Variants in OTOA observed in about 807,000 individuals in gnomAD.
OTOA encodes cancer/testis antigen 108.
In OTOA, 70 loss-of-function variants were observed where a neutral mutation model predicts 110.8. The ratio of observed to expected loss-of-function variants is 0.63; its 90% CI spans 0.52 to 0.77. The LOEUF is 0.77. OTOA is among the 30% of genes least tolerant of loss of function. The pLI is 0.00. For missense variants in OTOA, 917 were observed against 1,075.8 expected, an observed-to-expected ratio of 0.85 and a Z score of 2.06; for synonymous variants, 373 against 431.5, an observed-to-expected ratio of 0.86 and a Z score of 1.68.
At chr16:21,690,335 C>T (rs1897803661) in intron 8 of OTOA, among the ~76,000 whole-genome samples, 1 of 151,886 alleles carries the variant, frequency 6.6e-6, no homozygotes, top group Non-Finnish European at 1.5e-5. Context: ...TCCTAATGCT[C>T]TCCCTCCCCC....
At chr16:21,721,486 T>A (rs1423470176) in intron 17 of OTOA, 3 of 456,058 alleles carry the variant, frequency 6.6e-6, no homozygotes, top group South Asian at 4.6e-5. Flanking sequence ...ACAGCACCAC[T>A]ACACAGAGGT....
intron 17 of OTOA, chr16:21,721,429 A>T (rs951148803): frequency 6.6e-6 from 3 of 455,848 alleles, no homozygotes; most frequent in African/African-American, 6.0e-5. Flanking sequence ...ACTGGCCTCT[A>T]GTGGGTAGAG....
At chr16:21,736,687 C>T (rs562418418) in intron 22 of OTOA, among the ~76,000 whole-genome samples, 3 of 152,028 alleles carry the variant, frequency 2.0e-5, no homozygotes, top group African/African-American at 4.8e-5. Context: ...AAAAATTAGC[C>T]GGGTGTGGTG....
chr16:21,718,710 G>A (rs1174557219), intron 15 of OTOA, among the ~76,000 whole-genome samples: 2 of 152,102 alleles, frequency 1.3e-5, no homozygotes, highest in South Asian at 2.1e-4. Flanking sequence ...CTAGCTGCAG[G>A]TACTTTATTG....
chr16:21,697,846 G>A lies in OTOA; in HGVS notation c.811G>A (p.Glu271Lys), dbSNP rs1345503594. The A allele has an allele frequency of 6.2e-7, 1 of 1,614,052 alleles. No individual in the cohort carries two copies. Among genetic ancestry groups the A allele is most frequent in the African/African-American group, 1.3e-5 (1 of 75,020 alleles). ...CAGATACATGGTTCACCTATCGTTT[G>A]AAGAAATTACGAAAATTAGTCCTAT... The part of the protein sequence containing the change: ...LGRYMVHLSF[E>K]EITKISPIEI... The change falls in exon 10 of 29, where the codon GAA (glutamate) becomes AAA (lysine). Residue 271 changes from glutamate to lysine, a missense_variant. Glu to Lys is a moderately conservative substitution (Grantham distance 56). Transcript: ENST00000646100.
At chr16:21,710,496 C>T (rs1254104159) in intron 13 of OTOA, among the ~76,000 whole-genome samples, 1 of 152,146 alleles carries the variant, frequency 6.6e-6, no homozygotes, top group Non-Finnish European at 1.5e-5. Context: ...GGGGTTAGGA[C>T]TTTGACATAT....
intron 18 of OTOA, among the ~76,000 whole-genome samples, chr16:21,724,772 A>C (rs958873143): frequency 6.6e-6 from 1 of 151,696 alleles, no homozygotes; most frequent in Non-Finnish European, 1.5e-5. Flanking sequence ...TTAATTAATT[A>C]ATTAATTAAT....
chr16:21,670,768 T>C (rs918359007), intron 1 of OTOA, among the ~76,000 whole-genome samples: 4 of 152,218 alleles, frequency 2.6e-5, no homozygotes, highest in Admixed American at 1.3e-4. Context: ...AGAGAAGTAT[T>C]GGCCTTTTCT....
intron 1 of OTOA, among the ~76,000 whole-genome samples, chr16:21,667,384 G>A (rs1966842572): frequency 6.6e-6 from 1 of 152,180 alleles, no homozygotes. Context: ...GCTGGGCGCG[G>A]TGGCTCACGC....
At position 21,757,232 on chromosome 16, in the gene OTOA, G is replaced by GCTAGCGCCGGTCCCA; in HGVS notation, c.3309_3323dup (p.Ser1103_Thr1107dup). 1.8e-6 allele frequency: 1 copy of GCTAGCGCCGGTCCCA among 567,368 alleles called. No homozygotes were observed. Among genetic ancestry groups the GCTAGCGCCGGTCCCA allele is most frequent in the Non-Finnish European group, 3.1e-6 (1 of 321,062 alleles). The allele number at this position is 567,368 out of a possible 1,614,324, so 35.1% of individuals were successfully genotyped here. Reference sequence around the variant, plus strand: ...GACTCACTCCTGGCAGGACGCGCCCGCTAGCGCCGGTCCCACTAGAACCTC... The same window carrying GCTAGCGCCGGTCCCA: ...GACTCACTCCTGGCAGGACGCGCCCGCTAGCGCCGGTCCCACTAGCGCCGGTCCCACTAGAACCTC... On this transcript the variant is annotated inframe_insertion, in exon 28 of 29. Coordinates refer to ENST00000646100, the MANE Select transcript of OTOA (RefSeq NM_144672.4).
At chr16:21,694,347 G>C (rs184376421) in intron 9 of OTOA, among the ~76,000 whole-genome samples, 27 of 152,192 alleles carry the variant, frequency 1.8e-4, no homozygotes, top group East Asian at 1.7e-3. Flanking sequence ...GAGGCTGAGG[G>C]GGGGAGGATC....
chr16:21,669,346 C>T (rs1298456818), intron 1 of OTOA, among the ~76,000 whole-genome samples: 1 of 151,810 alleles, frequency 6.6e-6, no homozygotes, highest in African/African-American at 2.4e-5. Flanking sequence ...CTGTCCCCCA[C>T]CCCAAAAAAA....
In OTOA at chr16:21,681,795, G is replaced by A; in HGVS notation, c.237G>A (p.Arg79=). The A allele has an allele frequency of 6.2e-7, 1 of 1,614,052 alleles. No individual in the cohort carries two copies. Among genetic ancestry groups the A allele is most frequent in the Non-Finnish European group, 8.5e-7 (1 of 1,179,988 alleles). ...SHRVLAYLNS[R]NVAFTIPSLQ... Reference sequence around the variant, plus strand: ...GAGTCCTGGCCTATCTGAATTCCCGGAATGTTGCCTTCACCATCCCCAGCC... The same window carrying A: ...GAGTCCTGGCCTATCTGAATTCCCGAAATGTTGCCTTCACCATCCCCAGCC... Residue 79 remains arginine, a synonymous_variant, in exon 6 of 29, where the codon CGG becomes CGA. Coordinates refer to ENST00000646100, the MANE Select transcript of OTOA (RefSeq NM_144672.4).
At chr16:21,677,675 G>A (rs1966861905) in intron 1 of OTOA, among the ~76,000 whole-genome samples, 1 of 151,422 alleles carries the variant, frequency 6.6e-6, no homozygotes, top group Admixed American at 6.6e-5. Flanking sequence ...TTAGAGACGG[G>A]GTTTCACCGT....
chr16:21,714,397 TTC>T (rs1555499787), intron 13 of OTOA, among the ~76,000 whole-genome samples: 4 of 78,802 alleles, frequency 5.1e-5, no homozygotes, highest in South Asian at 4.2e-4. Context: ...CTCTCTTTCT[TTC>T]TCTTTCTTTC....
At chr16:21,679,598 T>G (rs1407651161) in intron 5 of OTOA, among the ~76,000 whole-genome samples, 1 of 152,020 alleles carries the variant, frequency 6.6e-6, no homozygotes, top group Admixed American at 6.6e-5. Flanking sequence ...AGAGATGGGT[T>G]TTCACCATGT....
At chr16:21,758,642 G>A (rs1900069476) in intron 28 of OTOA, among the ~76,000 whole-genome samples, 1 of 149,668 alleles carries the variant, frequency 6.7e-6, no homozygotes, top group African/African-American at 2.4e-5. Context: ...AGCCACAAGT[G>A]GCCAGAGGTG....
In OTOA at chr16:21,671,196, A is replaced by G. The variant is rs568843276; in HGVS notation, c.-5+6964A>G. Reference sequence around the variant, plus strand: ...CAAGCCCTGTTTGAAGTGATTCACTATTAACAACTCATTTTACCCTCATAC... The same window carrying G: ...CAAGCCCTGTTTGAAGTGATTCACTGTTAACAACTCATTTTACCCTCATAC... On this transcript the variant is annotated intron_variant, in intron 1 of 28. Transcript: ENST00000646100. 2.5e-3 allele frequency among the ~76,000 whole-genome samples: 377 copies of G among 152,256 alleles called. 2 individuals carry two copies. Among genetic ancestry groups the G allele is most frequent in the African/African-American group, 8.0e-3 (332 of 41,542 alleles).
chr16:21,723,624 GAACTGA>G (rs1898829865), intron 18 of OTOA, among the ~76,000 whole-genome samples: 1 of 152,126 alleles, frequency 6.6e-6, no homozygotes, highest in African/African-American at 2.4e-5. Context: ...GAAAGCAACA[GAACTGA>G]AACTGAAACT....
Sources: allele counts gnomAD v4.1 joint callset (sites outside exome capture counted in the v4.1 genomes callset), GRCh38; gene constraint gnomAD v4.1.1; transcripts MANE v1.5; gene names NCBI Gene and HGNC (gene_info 2026-07-23, HGNC 2026-07-21).